NOS1AP: variants seen among roughly 807,000 people sequenced by gnomAD.
NOS1AP encodes the protein nitric oxide synthase 1 adaptor protein.
Under a neutral mutation model 56.2 loss-of-function variants are expected in NOS1AP, and 21 were observed. The ratio of observed to expected loss-of-function variants is 0.37; its 90% confidence interval spans 0.26 to 0.54. The LOEUF (loss-of-function observed/expected upper bound fraction) is 0.54, where lower values mean the gene tolerates loss of function less well. Among genes scored for constraint, NOS1AP ranks in the 20% least tolerant of loss-of-function variants. NOS1AP has a pLI of 0.84. For synonymous variants in NOS1AP, 270 were observed against 274.6 expected, an observed-to-expected ratio of 0.98 and a Z score of 0.17; for missense variants, 522 against 657.8, an observed-to-expected ratio of 0.79 and a Z score of 2.26.
intron 3 of NOS1AP, among the ~76,000 whole-genome samples, chr1:162,290,514 A>G (rs558221673): frequency 6.6e-6 from 1 of 152,304 alleles, no homozygotes; most frequent in East Asian, 1.9e-4. Flanking sequence ...TAAATGCACA[A>G]TTTTCTCCAA....
chr1:162,139,094 T>C (rs1649122123), intron 1 of NOS1AP, among the ~76,000 whole-genome samples: 1 of 151,836 alleles, frequency 6.6e-6, no homozygotes, highest in African/African-American at 2.4e-5. Context: ...ATGAGGGCTC[T>C]GGCTTGGGGC....
At chr1:162,140,127 C>T (rs1649175998) in intron 1 of NOS1AP, among the ~76,000 whole-genome samples, 2 of 152,314 alleles carry the variant, frequency 1.3e-5, no homozygotes, top group South Asian at 2.1e-4. Flanking sequence ...CCGCACCCGG[C>T]CTGCAGTCTT....
chr1:162,196,368 G>C (rs1250599625), intron 2 of NOS1AP, among the ~76,000 whole-genome samples: 1 of 152,182 alleles, frequency 6.6e-6, no homozygotes, highest in Non-Finnish European at 1.5e-5. Flanking sequence ...CGCTCTTTCT[G>C]TATTAAGCTG....
intron 1 of NOS1AP, among the ~76,000 whole-genome samples, chr1:162,122,589 C>A (rs1648286008): frequency 6.6e-6 from 1 of 150,818 alleles, no homozygotes; most frequent in Admixed American, 6.6e-5. Context: ...CTCACTGCAA[C>A]CTCCACCTCC....
chr1:162,264,033 C>T (rs751615201), intron 2 of NOS1AP, among the ~76,000 whole-genome samples: 7 of 152,164 alleles, frequency 4.6e-5, no homozygotes, highest in African/African-American at 9.7e-5. Flanking sequence ...CAGTAGCCTC[C>T]GAATGGTTTC....
At chr1:162,120,444 A>C (rs10082202) in intron 1 of NOS1AP, among the ~76,000 whole-genome samples, 6,551 of 152,292 alleles carry the variant, frequency 0.043, 227 homozygotes, top group East Asian at 0.18. Context: ...GTATTAGTCC[A>C]TTTTCACTCT....
chr1:162,215,261 G>A (rs1652526529), intron 2 of NOS1AP, among the ~76,000 whole-genome samples: 1 of 152,188 alleles, frequency 6.6e-6, no homozygotes. Flanking sequence ...CCCCGGGGCC[G>A]AGTCTTTCTG....
chr1:162,226,069 G>A (rs1198032681), intron 2 of NOS1AP, among the ~76,000 whole-genome samples: 2 of 152,126 alleles, frequency 1.3e-5, no homozygotes, highest in South Asian at 2.1e-4. Context: ...TGAGGTGGGC[G>A]AATCACCTGA....
At chr1:162,353,574 AC>A (rs1320617952) in intron 6 of NOS1AP, among the ~76,000 whole-genome samples, 20 of 152,156 alleles carry the variant, frequency 1.3e-4, no homozygotes, top group African/African-American at 4.6e-4. Context: ...TTTATGGAAC[AC>A]TTTCTCTGTG....
At position 162,102,587 on chromosome 1, in the gene NOS1AP, T is replaced by G. The variant is rs1432748915; in HGVS notation, c.105+32305T>G. 2.0e-5 allele frequency among the ~76,000 whole-genome samples: 3 copies of G among 152,124 alleles called. No homozygotes were observed. The East Asian group carries it at 5.8e-4, about 29-fold the overall frequency. The stretch of plus-strand genomic sequence containing the variant: ...CCATGTGGTCCTGAGCTTTTTTTGG[T>G]TGGTAGGCTATTTCTCAATTTCAGA... On this transcript the variant is annotated intron_variant, in intron 1 of 9. Transcript: ENST00000361897.
At chr1:162,358,390 G>T (rs894433473) in intron 8 of NOS1AP, among the ~76,000 whole-genome samples, 2 of 152,178 alleles carry the variant, frequency 1.3e-5, no homozygotes, top group East Asian at 1.9e-4. Flanking sequence ...TTTGCAGCCA[G>T]GTTTCAGGAG....
At chr1:162,341,650 A>G (rs1240110721) in intron 5 of NOS1AP, among the ~76,000 whole-genome samples, 1 of 152,220 alleles carries the variant, frequency 6.6e-6, no homozygotes, top group East Asian at 1.9e-4. Flanking sequence ...GAATAAAGTC[A>G]TACCTAAGGT....
At chr1:162,203,034 T>A (rs776433702) in intron 2 of NOS1AP, among the ~76,000 whole-genome samples, 8 of 152,132 alleles carry the variant, frequency 5.3e-5, no homozygotes, top group Non-Finnish European at 1.2e-4. Flanking sequence ...GTGCTGTATT[T>A]GTGCCTTGAG....
intron 2 of NOS1AP, among the ~76,000 whole-genome samples, chr1:162,259,915 A>C (rs1286710866): frequency 6.6e-6 from 1 of 152,178 alleles, no homozygotes; most frequent in Non-Finnish European, 1.5e-5. Flanking sequence ...TTCTCCTAAG[A>C]AACTAAGATA....
At chr1:162,152,225 C>G (rs955939004) in intron 1 of NOS1AP, among the ~76,000 whole-genome samples, 4 of 152,168 alleles carry the variant, frequency 2.6e-5, no homozygotes, top group Non-Finnish European at 4.4e-5. Flanking sequence ...TCCTGGTCTG[C>G]AGGGATCCAG....
chr1:162,321,648 A>G (rs407194), intron 4 of NOS1AP, among the ~76,000 whole-genome samples: 75,811 of 150,572 alleles, frequency 0.5, 21,811 homozygotes, highest in Non-Finnish European at 0.65. Flanking sequence ...CAGCACACCA[A>G]CATGGCACAT....
At chr1:162,289,454 C>T (rs1258289181) in intron 3 of NOS1AP, among the ~76,000 whole-genome samples, 8 of 148,358 alleles carry the variant, frequency 5.4e-5, no homozygotes, top group Non-Finnish European at 8.9e-5. Flanking sequence ...CCTGCCACCA[C>T]GCCCAGCTAC....
intron 1 of NOS1AP, among the ~76,000 whole-genome samples, chr1:162,118,665 A>G (rs948184120): frequency 6.6e-5 from 10 of 152,224 alleles, no homozygotes; most frequent in Non-Finnish European, 1.3e-4. Flanking sequence ...TTTTTCATGT[A>G]TAAATAATCA....
Position 162,070,261 on chromosome 1 carries a change from CG to C in NOS1AP, c.86del (p.Gly29AlafsTer9). On this transcript the variant is annotated frameshift_variant, in exon 1 of 10. Coordinates refer to ENST00000361897, the MANE Select transcript of NOS1AP (RefSeq NM_014697.3). LOFTEE classifies it high-confidence loss of function. Reference sequence around the variant, plus strand: ...TGCACAACGAGGACGCCTTCCAGCACGGCATCTGCTTTGAGGCCAAGGTGAG... The same window carrying C: ...TGCACAACGAGGACGCCTTCCAGCACGCATCTGCTTTGAGGCCAAGGTGAG... Reference protein sequence around the residue: ...PLHNEDAFQHGICFEAKYVGS... With the variant: ...PLHNEDAFQHXICFEAKYVGS... 6.2e-7 allele frequency: 1 copy of C among 1,613,740 alleles called. No individual in the cohort carries two copies. Among genetic ancestry groups the C allele is most frequent in the Non-Finnish European group, 8.5e-7 (1 of 1,179,760 alleles).
Sources: allele counts gnomAD v4.1 joint callset (sites outside exome capture counted in the v4.1 genomes callset), GRCh38; gene constraint gnomAD v4.1.1; transcripts MANE v1.5; gene names NCBI Gene and HGNC (gene_info 2026-07-23, HGNC 2026-07-21).